The following HDAC2 variants were observed in gnomAD, a reference collection of about 807,000 sequenced individuals.
HDAC2 encodes YY1-associated factor 1.
In HDAC2, 5 loss-of-function variants were observed where a neutral mutation model predicts 68.5. That is an observed-to-expected ratio of 0.07 (90% confidence interval 0.04 to 0.15). HDAC2 has a LOEUF of 0.15. Ranked by LOEUF, HDAC2 falls within the 10% of genes least tolerant of loss-of-function variation. The pLI is 1.00. For missense variants in HDAC2, 291 were observed against 600.8 expected (o/e 0.48, Z 5.39); for synonymous variants, 182 against 191.3 (o/e 0.95, Z 0.40).
chr6:113,944,542 T>C (rs2114591099), intron 10 of HDAC2, 132 bp from the exon 11 acceptor site: 2 of 711,312 alleles, frequency 2.8e-6, no homozygotes, highest in Non-Finnish European at 4.7e-6. Context: ...TCTCTCTTTG[T>C]TGCCCAGACT....
chr6:113,948,004 T>C (rs1776303446), intron 8 of HDAC2: 1 of 152,176 alleles, frequency 6.6e-6, no homozygotes, highest in South Asian at 2.1e-4. Context: ...CAAACACTCA[T>C]GATAAAAATC....
intron 1 of HDAC2, among the ~76,000 whole-genome samples, chr6:113,960,842 A>C (rs1445941291): frequency 6.6e-6 from 1 of 152,102 alleles, no homozygotes; most frequent in East Asian, 1.9e-4. Context: ...AATCAACTGC[A>C]GACTGAAAAT....
At chr6:113,953,474 A>C in intron 5 of HDAC2, 56 bp from the exon 6 acceptor site, 1 of 1,035,488 alleles carries the variant, frequency 9.7e-7, no homozygotes, top group South Asian at 1.6e-5. Context: ...AGATGGGAAG[A>C]AGCACCACAA....
At position 113,941,746 on chromosome 6, in the gene HDAC2, T is replaced by C. The variant is rs1776140420; in HGVS notation, c.1398A>G (p.Lys466=). 7.0e-7 allele frequency: 1 copy of C among 1,435,250 alleles called. No homozygotes were observed. The highest frequency in any genetic ancestry group is 9.5e-7 in the Non-Finnish European group (1 of 1,049,152). The allele number at this position is 1,435,250 out of a possible 1,614,324, so 88.9% of individuals were successfully genotyped here. A position where few individuals can be genotyped will look rare whatever the true frequency, so the allele number is the denominator to read the frequency against. The change falls in exon 13 of 14, where the codon AAA becomes AAG. Residue 466 remains lysine, a synonymous_variant. Coordinates refer to ENST00000519065, the MANE Select transcript of HDAC2 (RefSeq NM_001527.4). ...DKKTDVKEED[K]SKDNSGEKTD... The stretch of plus-strand genomic sequence containing the variant: ...TTTTTTCACCACTGTTGTCCTTGGA[T>C]TTATCTTCTTCCTTAACGTCTAAAA...
At chr6:113,952,514 T>A (rs573887342) in intron 6 of HDAC2, among the ~76,000 whole-genome samples, 2 of 152,174 alleles carry the variant, frequency 1.3e-5, no homozygotes, top group Non-Finnish European at 2.9e-5. Flanking sequence ...TGAAAAATAA[T>A]CTTAATAAAA....
In HDAC2 at chr6:113,935,987, A is replaced by G. The variant is rs1205084547; in HGVS notation, c.*5071T>C. ...TGTATACTAACTGATTCTTACCACCAGTCAAAACAGAAAATTATTCTGGCT... is the reference window on the plus strand; with the variant it reads ...TGTATACTAACTGATTCTTACCACCGGTCAAAACAGAAAATTATTCTGGCT... On this transcript the variant is annotated 3_prime_UTR_variant, in exon 14 of 14. Transcript: ENST00000519065. The G allele has an allele frequency of 1.3e-5, 2 of 152,218 alleles. No individual in the cohort carries two copies. The highest frequency in any genetic ancestry group is 2.9e-5 in the Non-Finnish European group (2 of 68,034). 9.4% of individuals were successfully genotyped at this position (152,218 alleles called of 1,614,324 possible).
chr6:113,956,256 A>C, intron 4 of HDAC2, 105 bp from the exon 5 acceptor site: 1 of 944,860 alleles, frequency 1.1e-6, no homozygotes, highest in East Asian at 2.5e-5. Context: ...CAAGAGCTTA[A>C]AATCATGAAA....
At position 113,940,032 on chromosome 6, in the gene HDAC2, T is replaced by C. The variant is rs1230823969; in HGVS notation, c.*1026A>G. ...TTTGGCAAGTTCCTAAAATGTTTTG[T>C]CTTCTTTGCACATCTTAGTAGCAGG... On this transcript the variant is annotated 3_prime_UTR_variant, in exon 14 of 14. Coordinates refer to ENST00000519065, the MANE Select transcript of HDAC2 (RefSeq NM_001527.4). 6.6e-6 allele frequency: 1 copy of C among 152,250 alleles called. No homozygotes were observed. The highest frequency in any genetic ancestry group is 1.5e-5 in the Non-Finnish European group (1 of 68,030). The allele number at this position is 152,250 out of a possible 1,614,324, so 9.4% of individuals were successfully genotyped here. A position where few individuals can be genotyped will look rare whatever the true frequency, so the allele number is the denominator to read the frequency against.
intron 6 of HDAC2, among the ~76,000 whole-genome samples, chr6:113,952,164 G>C (rs936051454): frequency 1.3e-5 from 2 of 152,200 alleles, no homozygotes; most frequent in African/African-American, 2.4e-5. Flanking sequence ...AGGTGATGCT[G>C]ATCTGCTTTC....
In HDAC2 at chr6:113,940,580, C is replaced by T. The variant is rs1480285567; in HGVS notation, c.*478G>A. 1 of 154,672 alleles carries T rather than the reference C, an allele frequency of 6.5e-6. No individual in the cohort carries two copies. The highest frequency in any genetic ancestry group is 1.4e-5 in the Non-Finnish European group (1 of 69,722). The allele number at this position is 154,672 out of a possible 1,614,324, so 9.6% of individuals were successfully genotyped here. A position where few individuals can be genotyped will look rare whatever the true frequency, so the allele number is the denominator to read the frequency against. On this transcript the variant is annotated 3_prime_UTR_variant, in exon 14 of 14. Coordinates refer to ENST00000519065, the MANE Select transcript of HDAC2 (RefSeq NM_001527.4). ...TAATAATTACTATAAATACTCTTCC[C>T]AAAGAAACAGCAAATAGTTATCTTT...
intron 1 of HDAC2, among the ~76,000 whole-genome samples, chr6:113,966,266 T>C (rs1776815538): frequency 6.6e-6 from 1 of 152,026 alleles, no homozygotes; most frequent in Non-Finnish European, 1.5e-5. Flanking sequence ...GAATAAGGAA[T>C]TGGCCAGGCA....
chr6:113,964,275 G>C (rs1776759955), intron 1 of HDAC2, among the ~76,000 whole-genome samples: 2 of 151,090 alleles, frequency 1.3e-5, no homozygotes, highest in South Asian at 4.2e-4. Context: ...AAAAAAACAA[G>C]AGAAAAGAAA....
chr6:113,956,757 A>G (rs934137921), intron 3 of HDAC2, 64 bp from the exon 4 acceptor site: 1 of 1,175,198 alleles, frequency 8.5e-7, no homozygotes, highest in Non-Finnish European at 1.3e-6. Context: ...CTTTTCTTAC[A>G]AAAACTATTT....
chr6:113,943,932 A>G (rs1240773563), intron 11 of HDAC2, among the ~76,000 whole-genome samples: 1 of 152,224 alleles, frequency 6.6e-6, no homozygotes, highest in African/African-American at 2.4e-5. Context: ...CTACAATCTA[A>G]CCATCACATT....
intron 6 of HDAC2, among the ~76,000 whole-genome samples, chr6:113,952,894 G>C (rs990605573): frequency 5.3e-5 from 8 of 152,130 alleles, no homozygotes; most frequent in Non-Finnish European, 1.0e-4. Context: ...AATCACAAAA[G>C]AGAGGAGCAG....
At chr6:113,968,307 C>T (rs1046865416) in intron 1 of HDAC2, 5 of 152,122 alleles carry the variant, frequency 3.3e-5, no homozygotes, top group African/African-American at 1.2e-4. Context: ...TAACCCATTC[C>T]CAATCCAATC....
Position 113,938,465 on chromosome 6 carries a change from G to A in HDAC2, c.*2593C>T, listed in dbSNP as rs141883569. ...AATATATCTTTTATAGTTGAGTTTG[G>A]TGTCACACTTAGGCCTTCTTCAATC... On this transcript the variant is annotated 3_prime_UTR_variant, in exon 14 of 14. Coordinates refer to ENST00000519065, the MANE Select transcript of HDAC2 (RefSeq NM_001527.4). 2.0e-5 allele frequency: 3 copies of A among 152,066 alleles called. No homozygotes were observed. In the East Asian group the frequency reaches 5.8e-4, roughly 29 times the overall value. 9.4% of individuals were successfully genotyped at this position (152,066 alleles called of 1,614,324 possible). A position where few individuals can be genotyped will look rare whatever the true frequency, so the allele number is the denominator to read the frequency against.
At chr6:113,959,347 T>C (rs1370869682) in intron 2 of HDAC2, among the ~76,000 whole-genome samples, 1 of 152,092 alleles carries the variant, frequency 6.6e-6, no homozygotes, top group Non-Finnish European at 1.5e-5. Context: ...GTTTTAAATA[T>C]TTCTTTTCTC....
At chr6:113,958,968 AAAAGCATT>A (rs1776617577) in intron 2 of HDAC2, among the ~76,000 whole-genome samples, 1 of 152,196 alleles carries the variant, frequency 6.6e-6, no homozygotes, top group South Asian at 2.1e-4. Context: ...AAACTCCTTT[AAAAGCATT>A]ACACAGGCAT....
Sources: gnomAD v4.1 joint callset for allele counts (sites outside exome capture counted in the v4.1 genomes callset) on GRCh38, gnomAD v4.1.1 for gene constraint, MANE v1.5 for transcripts, NCBI Gene and HGNC (gene_info 2026-07-23, HGNC 2026-07-21) for gene names.